The following DENND4C variants were observed in gnomAD, a reference collection of about 807,000 sequenced individuals.
DENND4C encodes DENN domain-containing protein 4C.
A neutral mutation model predicts 203.0 loss-of-function variants in DENND4C; 108 were observed. That is an observed-to-expected ratio of 0.53 (90% confidence interval 0.46 to 0.62). The LOEUF (loss-of-function observed/expected upper bound fraction) is 0.62. Among genes scored for constraint, DENND4C ranks in the 20% least tolerant of loss-of-function variants. The pLI is 0.00. For synonymous variants in DENND4C, 871 were observed against 792.4 expected, an observed-to-expected ratio of 1.10 and a Z score of -1.67; for missense variants, 2,481 against 2,301.2, an observed-to-expected ratio of 1.08 and a Z score of -1.60.
intron 1 of DENND4C, among the ~76,000 whole-genome samples, chr9:19,238,970 CT>C (rs967585611): frequency 6.6e-6 from 1 of 151,632 alleles, no homozygotes. Flanking sequence ...TTCCTTTGTT[CT>C]TTTTTTAATG....
intron 1 of DENND4C, among the ~76,000 whole-genome samples, chr9:19,253,538 C>T (rs1182147487): frequency 4.6e-5 from 7 of 152,228 alleles, no homozygotes; most frequent in Non-Finnish European, 1.0e-4. Context: ...GTTACCAAGC[C>T]CCTATTTTAA....
chr9:19,260,005 T>C (rs1020240216), intron 1 of DENND4C, among the ~76,000 whole-genome samples: 1 of 152,182 alleles, frequency 6.6e-6, no homozygotes. Flanking sequence ...GATTGTATGA[T>C]AGTTCTGTTT....
intron 10 of DENND4C, among the ~76,000 whole-genome samples, chr9:19,312,466 C>G (rs1563791251): frequency 6.6e-6 from 1 of 152,030 alleles, no homozygotes; most frequent in African/African-American, 2.4e-5. Context: ...GCTACTTGTG[C>G]AAAAGAAAAG....
rs1825876581 is a variant in DENND4C, at chr9:19,358,706, G to A, written c.5160+546G>A. On this transcript the variant is annotated intron_variant, in intron 28 of 32. Transcript: ENST00000434457. The surrounding 1 kb of genome is among the most constrained non-coding windows in gnomAD (Gnocchi z 4.8). ...TTGCACTTGGTTGATATAGTTTTTA[G>A]TCTTTTTGAATCTGTAGACTCTTTT... Among the ~76,000 whole-genome samples the A allele has an allele frequency of 6.6e-6, 1 of 151,786 alleles. No homozygotes were observed. Among genetic ancestry groups the A allele is most frequent in the Non-Finnish European group, 1.5e-5 (1 of 67,998 alleles).
chr9:19,284,400 A>G (rs1168577574), intron 2 of DENND4C, among the ~76,000 whole-genome samples: 1 of 152,220 alleles, frequency 6.6e-6, no homozygotes, highest in Non-Finnish European at 1.5e-5. Flanking sequence ...GTTTTGTGCT[A>G]TTAAAAGAAT....
intron 30 of DENND4C, among the ~76,000 whole-genome samples, chr9:19,363,513 TAA>T (rs1259497753): frequency 6.6e-6 from 1 of 151,192 alleles, no homozygotes; most frequent in Non-Finnish European, 1.5e-5. Context: ...AAAAAAAAAT[TAA>T]AAAAACATTA....
chr9:19,343,918 T>C (rs977783443), intron 22 of DENND4C, among the ~76,000 whole-genome samples: 4 of 152,238 alleles, frequency 2.6e-5, no homozygotes, highest in Non-Finnish European at 5.9e-5. Flanking sequence ...TCCTTGGAAA[T>C]ACTATGAGAA....
intron 1 of DENND4C, among the ~76,000 whole-genome samples, chr9:19,251,493 C>T (rs903392048): frequency 1.3e-5 from 2 of 152,184 alleles, no homozygotes; most frequent in African/African-American, 2.4e-5. Flanking sequence ...TTCCACTCTT[C>T]GTTACTTATG....
At chr9:19,327,962 A>T in intron 15 of DENND4C, 68 bp from the exon 16 acceptor site, 1 of 1,423,764 alleles carries the variant, frequency 7.0e-7, no homozygotes, top group Non-Finnish European at 9.5e-7. Flanking sequence ...ATATTTGCCT[A>T]AACGCTGGAA....
chr9:19,298,152 A>G (rs1837833389), intron 7 of DENND4C, 30 bp downstream of exon 7: 3 of 1,584,230 alleles, frequency 1.9e-6, no homozygotes, highest in Admixed American at 1.7e-5. Flanking sequence ...TTTGGGGAGA[A>G]CTTTGCATAT....
At chr9:19,333,221 T>A (rs977187684) in intron 17 of DENND4C, among the ~76,000 whole-genome samples, 4 of 151,868 alleles carry the variant, frequency 2.6e-5, no homozygotes, top group Admixed American at 6.6e-5. Context: ...CTCGATATGT[T>A]ACCTGGGCTG....
At chr9:19,352,253 A>G in intron 25 of DENND4C, 71 bp downstream of exon 25, 1 of 1,402,356 alleles carries the variant, frequency 7.1e-7, no homozygotes, top group Non-Finnish European at 1.0e-6. Flanking sequence ...GGCATTTAAC[A>G]GGATTCTAAG....
At chr9:19,296,306 T>C (rs1837448481) in intron 6 of DENND4C, 60 bp downstream of exon 6, 1 of 1,163,708 alleles carries the variant, frequency 8.6e-7, no homozygotes, top group Non-Finnish European at 1.2e-6. Flanking sequence ...TATATACATT[T>C]GTTTGTGTAA....
chr9:19,281,682 G>C (rs982037567), intron 2 of DENND4C, among the ~76,000 whole-genome samples: 2 of 152,112 alleles, frequency 1.3e-5, no homozygotes, highest in Non-Finnish European at 2.9e-5. Context: ...ATCACTTAAC[G>C]ATGGGAATAC....
rs78576958 is a variant in DENND4C at position 19,316,610 on chromosome 9, T to A, written c.1589-11T>A. 6,347 of 1,610,698 alleles carry A rather than the reference T, an allele frequency of 3.9e-3. 224 individuals are homozygous for A. In the African/African-American group the frequency reaches 0.076, roughly 19 times the overall value. ...CATAATACCATTTTCTGTTTTTATT[T>A]CCTTTGTTAGTTCACCAAAAAACTC... On this transcript the variant is annotated splice_polypyrimidine_tract_variant and intron_variant, in intron 11 of 32. Transcript: ENST00000434457.
intron 1 of DENND4C, among the ~76,000 whole-genome samples, chr9:19,247,237 C>G (rs1009336464): frequency 3.9e-5 from 6 of 152,118 alleles, no homozygotes; most frequent in African/African-American, 1.4e-4. Flanking sequence ...CACACCTAGA[C>G]TTAGGCTTTG....
In DENND4C at chr9:19,319,381, CATAT is replaced by C. The variant is rs563706089; in HGVS notation, c.1807+2550_1807+2553del. 2.6e-4 allele frequency among the ~76,000 whole-genome samples: 35 copies of C among 135,280 alleles called. 2 individuals are homozygous for C. Among genetic ancestry groups the C allele is most frequent in the African/African-American group, 1.0e-3 (34 of 33,552 alleles). The allele number at this position is 135,280 out of a possible 152,430, so 88.7% of individuals were successfully genotyped here. A position where few individuals can be genotyped will look rare whatever the true frequency, so the allele number is the denominator to read the frequency against. ...ATATACACACATATATATACACATA[CATAT>C]ATATATACATATATATATACACACA... On this transcript the variant is annotated intron_variant, in intron 12 of 32. Transcript: ENST00000434457.
At chr9:19,370,111 T>C (rs1828512996) in intron 31 of DENND4C, 124 bp downstream of exon 31, 7 of 1,144,288 alleles carry the variant, frequency 6.1e-6, no homozygotes, top group Non-Finnish European at 6.4e-6. Context: ...ACATCTATTG[T>C]TTTAAGTGCT....
At chr9:19,288,544 A>C in intron 3 of DENND4C, 52 bp from the exon 4 acceptor site, 1 of 1,121,572 alleles carries the variant, frequency 8.9e-7, no homozygotes, top group Non-Finnish European at 1.1e-6. Flanking sequence ...CAACAAAATC[A>C]ATTTCTTTTC....
Sources: allele counts gnomAD v4.1 joint callset (sites outside exome capture counted in the v4.1 genomes callset), GRCh38; gene constraint gnomAD v4.1.1; non-coding constraint Gnocchi (gnomAD v3.1); transcripts MANE v1.5; gene names NCBI Gene and HGNC (gene_info 2026-07-23, HGNC 2026-07-21).